The following PKIG variants were observed in gnomAD, a reference collection of about 807,000 sequenced individuals.
The protein encoded by PKIG is cAMP-dependent protein kinase inhibitor gamma, also known as protein kinase (cAMP-dependent, catalytic) inhibitor gamma.
PKIG carries 1 observed loss-of-function variant against 6.8 expected under a neutral mutation model. The ratio of observed to expected loss-of-function variants is 0.15; its 90% CI spans 0.05 to 0.69. PKIG has a LOEUF of 0.69. PKIG is among the 30% of genes least tolerant of loss of function. The probability of loss-of-function intolerance (pLI) is 0.82; values close to 1 mark genes in which losing one functional copy is unlikely to be tolerated. For missense variants in PKIG, 77 were observed against 104.0 expected, an observed-to-expected ratio of 0.74 and a Z score of 1.13; for synonymous variants, 39 against 43.0, an observed-to-expected ratio of 0.91 and a Z score of 0.36.
Position 44,612,053 on chromosome 20 carries a change from A to G in PKIG, c.-23-2481A>G, listed in dbSNP as rs372808794. Among the ~76,000 whole-genome samples the G allele has an allele frequency of 2.1e-4, 32 of 152,210 alleles. No individual in the cohort carries two copies. In the East Asian group the frequency reaches 6.2e-3, roughly 29 times the overall value. The stretch of plus-strand genomic sequence containing the variant: ...TTTGGGTTGATTCCATATCTTGGCT[A>G]TTATAAATAGTGCTGCAGTAAACAT... On this transcript the variant is annotated intron_variant, in intron 2 of 3. Transcript: ENST00000372886.
rs1353036936 is a variant in PKIG, at chr20:44,541,220, GACTTTGAT to G, written c.-241+9243_-241+9250del. On this transcript the variant is annotated intron_variant, in intron 1 of 4. Transcript: ENST00000372887. The stretch of plus-strand genomic sequence containing the variant: ...CGGCAATGAAGGACTAGGAAATACA[GACTTTGAT>G]TTATTTTTTAAGTGATTCTCCATCA... Among the ~76,000 whole-genome samples, 4 of 152,336 alleles carry G rather than the reference GACTTTGAT, an allele frequency of 2.6e-5. No individual in the cohort carries two copies. In the East Asian group the frequency reaches 7.7e-4, roughly 29 times the overall value.
chr20:44,573,928 GATA>G (rs2064874393), intron 1 of PKIG, among the ~76,000 whole-genome samples: 1 of 152,164 alleles, frequency 6.6e-6, no homozygotes, highest in Non-Finnish European at 1.5e-5. Context: ...AGTAGCAACT[GATA>G]ATAATAGCTA....
intron 1 of PKIG, among the ~76,000 whole-genome samples, chr20:44,547,730 A>G (rs1235722432): frequency 6.6e-6 from 1 of 152,184 alleles, no homozygotes; most frequent in African/African-American, 2.4e-5. Flanking sequence ...TGGGAATAGT[A>G]ATAACATCTT....
At position 44,591,529 on chromosome 20, in the gene PKIG, T is replaced by C. The variant is rs1470294519; in HGVS notation, c.-24+1663T>C. Among the ~76,000 whole-genome samples, 8 of 144,674 alleles carry C rather than the reference T, an allele frequency of 5.5e-5. No homozygotes were observed. In the Admixed American group the frequency reaches 6.0e-4, roughly 11 times the overall value. 94.9% of individuals were successfully genotyped at this position (144,674 alleles called of 152,430 possible). A position where few individuals can be genotyped will look rare whatever the true frequency, so the allele number is the denominator to read the frequency against. ...CTTAGCGCCTGTGCTCCTCCTTCCC[T>C]TGGAACTTCAAGAAGGCAAAGGACA... On this transcript the variant is annotated intron_variant, in intron 2 of 3. Coordinates refer to ENST00000372886, the MANE Select transcript of PKIG (RefSeq NM_001281445.2).
At chr20:44,539,358 G>T (rs180821643) in intron 1 of PKIG, among the ~76,000 whole-genome samples, 1 of 151,914 alleles carries the variant, frequency 6.6e-6, no homozygotes, top group Non-Finnish European at 1.5e-5. Context: ...GCAGCCTGTG[G>T]GCCAAATGCA....
intron 1 of PKIG, among the ~76,000 whole-genome samples, chr20:44,554,296 T>G (rs1381667921): frequency 6.6e-6 from 1 of 152,086 alleles, no homozygotes; most frequent in Non-Finnish European, 1.5e-5. Flanking sequence ...TTGGTCAGGC[T>G]GGTCTCGAAC....
intron 1 of PKIG, among the ~76,000 whole-genome samples, chr20:44,560,594 G>T (rs2064757735): frequency 6.6e-6 from 1 of 152,176 alleles, no homozygotes; most frequent in African/African-American, 2.4e-5. Flanking sequence ...AGAATTCTTA[G>T]CTTGTTGTCC....
intron 1 of PKIG, among the ~76,000 whole-genome samples, chr20:44,576,158 AGTGTGTGT>A (rs3221821): frequency 0.044 from 6,179 of 140,576 alleles, 137 homozygotes; most frequent in Admixed American, 0.055. Flanking sequence ...GACTAAGTAG[AGTGTGTGT>A]GTGTGTGTGT....
intron 2 of PKIG, among the ~76,000 whole-genome samples, chr20:44,602,001 AG>A (rs1281928562): frequency 2.6e-5 from 4 of 152,336 alleles, no homozygotes; most frequent in African/African-American, 9.6e-5. Context: ...AGGCACCTGC[AG>A]GCACTGTAAC....
intron 1 of PKIG, among the ~76,000 whole-genome samples, chr20:44,536,969 G>A (rs144793216): frequency 9.0e-4 from 137 of 152,238 alleles, no homozygotes; most frequent in African/African-American, 3.2e-3. Context: ...TCGCTCTGTT[G>A]TGCAGGCTGG....
chr20:44,599,441 A>C (rs2065101638), intron 2 of PKIG, among the ~76,000 whole-genome samples: 1 of 152,210 alleles, frequency 6.6e-6, no homozygotes, highest in Non-Finnish European at 1.5e-5. Context: ...ACTGTGTAAC[A>C]GGCCAGGCAC....
chr20:44,584,732 T>G (rs1429644928), intron 1 of PKIG, among the ~76,000 whole-genome samples: 1 of 151,726 alleles, frequency 6.6e-6, no homozygotes, highest in Non-Finnish European at 1.5e-5. Flanking sequence ...CTTTTTTTTT[T>G]TTTTTGAGAC....
intron 2 of PKIG, among the ~76,000 whole-genome samples, chr20:44,600,236 G>C (rs534637944): frequency 5.3e-5 from 8 of 152,280 alleles, no homozygotes; most frequent in Non-Finnish European, 7.3e-5. Flanking sequence ...TGAGACAAAG[G>C]CTCATCTGCA....
In PKIG at chr20:44,600,385, C is replaced by T. The variant is rs189746347; in HGVS notation, c.-24+10519C>T. ...AGTGATCCAATTTCCATTTTGAGAA[C>T]GTTACCCTGCCTGCCATATAAAAAA... is the stretch of plus-strand genomic sequence containing the variant. On this transcript the variant is annotated intron_variant, in intron 2 of 3. Coordinates refer to ENST00000372886, the MANE Select transcript of PKIG (RefSeq NM_001281445.2). Among the ~76,000 whole-genome samples, 26 of 152,258 alleles carry T rather than the reference C, an allele frequency of 1.7e-4. No homozygotes were observed. In the East Asian group the frequency reaches 4.2e-3, roughly 25 times the overall value.
At chr20:44,535,136 A>G (rs79825017) in intron 1 of PKIG, among the ~76,000 whole-genome samples, 11,160 of 152,278 alleles carry the variant, frequency 0.073, 443 homozygotes, top group South Asian at 0.15. Flanking sequence ...AAAAATAAAT[A>G]CTTAGAAATA....
intron 1 of PKIG, among the ~76,000 whole-genome samples, chr20:44,575,752 C>G (rs567671734): frequency 2.0e-5 from 3 of 152,260 alleles, no homozygotes; most frequent in Admixed American, 1.3e-4. Flanking sequence ...TTTAAAGAGG[C>G]CTCCTGTCTT....
At chr20:44,554,068 A>T (rs1173291871) in intron 1 of PKIG, among the ~76,000 whole-genome samples, 5 of 149,248 alleles carry the variant, frequency 3.4e-5, no homozygotes, top group African/African-American at 9.8e-5. Context: ...TTATTAATTT[A>T]AAAAAAAATT....
At chr20:44,609,718 C>A (rs1371925424) in intron 2 of PKIG, among the ~76,000 whole-genome samples, 1 of 152,186 alleles carries the variant, frequency 6.6e-6, no homozygotes, top group Non-Finnish European at 1.5e-5. Context: ...AGCTGACAGT[C>A]TAACTGAGGA....
intron 1 of PKIG, among the ~76,000 whole-genome samples, chr20:44,545,210 A>G (rs2064602515): frequency 6.6e-6 from 1 of 152,096 alleles, no homozygotes; most frequent in Admixed American, 6.6e-5. Context: ...TGCTGGGGTT[A>G]CAGGTGTGAG....
Sources: allele counts gnomAD v4.1 joint callset (sites outside exome capture counted in the v4.1 genomes callset), GRCh38; gene constraint gnomAD v4.1.1; transcripts MANE v1.5; gene names NCBI Gene and HGNC (gene_info 2026-07-23, HGNC 2026-07-21).